LRRC49: variants seen among roughly 807,000 people sequenced by gnomAD.
LRRC49 encodes the protein leucine rich repeat containing 49, also known as leucine-rich repeat-containing protein 49.
In LRRC49, 50 loss-of-function variants were observed where a neutral mutation model predicts 83.3. The ratio of observed to expected loss-of-function variants is 0.60; its 90% confidence interval spans 0.48 to 0.76. LRRC49 has a LOEUF of 0.76. Ranked by LOEUF, LRRC49 falls within the 30% of genes least tolerant of loss-of-function variation. LRRC49 has a pLI of 0.00. For missense variants in LRRC49, 704 were observed against 809.1 expected, an observed-to-expected ratio of 0.87 and a Z score of 1.58; for synonymous variants, 286 against 283.3, an observed-to-expected ratio of 1.01 and a Z score of -0.10.
At chr15:71,043,922 T>A (rs2039772665) in intron 15 of LRRC49, among the ~76,000 whole-genome samples, 1 of 152,228 alleles carries the variant, frequency 6.6e-6, no homozygotes, top group Non-Finnish European at 1.5e-5. Context: ...AATAATAGAA[T>A]TTTGTCTTTT....
At chr15:71,009,723 G>A (rs2038585710) in intron 12 of LRRC49, 84 bp from the exon 13 acceptor site, 1 of 863,132 alleles carries the variant, frequency 1.2e-6, no homozygotes. Context: ...TTTACCTGGG[G>A]AATGATTAGT....
chr15:70,859,873 A>G, intron 1 of LRRC49: 1 of 769,658 alleles, frequency 1.3e-6, no homozygotes, highest in African/African-American at 1.7e-5. Flanking sequence ...TGGGCATCAA[A>G]ACTGCCACCT....
At chr15:70,856,356 A>G (rs2032653638) in intron 1 of LRRC49, among the ~76,000 whole-genome samples, 1 of 152,186 alleles carries the variant, frequency 6.6e-6, no homozygotes, top group Admixed American at 6.5e-5. Flanking sequence ...GGATCTAGAA[A>G]GAATGTCAGA....
intron 13 of LRRC49, among the ~76,000 whole-genome samples, chr15:71,011,545 T>C (rs2038650936): frequency 6.6e-6 from 1 of 152,122 alleles, no homozygotes; most frequent in African/African-American, 2.4e-5. Context: ...CTAAAATATA[T>C]TCCTGTTTGT....
At chr15:70,998,151 A>C (rs1434966279) in intron 11 of LRRC49, among the ~76,000 whole-genome samples, 1 of 152,190 alleles carries the variant, frequency 6.6e-6, no homozygotes, top group Non-Finnish European at 1.5e-5. Context: ...CATTGTGTGC[A>C]CATTATAGAT....
At chr15:70,917,214 A>T (rs1331119319) in intron 6 of LRRC49, among the ~76,000 whole-genome samples, 1 of 152,202 alleles carries the variant, frequency 6.6e-6, no homozygotes, top group East Asian at 1.9e-4. Context: ...TAGCCTGGGC[A>T]CCATGAACAG....
At chr15:70,880,992 G>T (rs2033251864) in intron 2 of LRRC49, among the ~76,000 whole-genome samples, 1 of 152,204 alleles carries the variant, frequency 6.6e-6, no homozygotes, top group African/African-American at 2.4e-5. Flanking sequence ...GGGAGACCGA[G>T]GTGGCAGGAT....
chr15:70,980,161 A>G lies in LRRC49; in HGVS notation c.982A>G (p.Ser328Gly). ...AAAAGAGGAAGAGAAGAAGCGGGAA[A>G]GTCATAAACAATCTTTGCTTAAGGT... The part of the protein sequence containing the change: ...AKKEEEKKRE[S>G]HKQSLLKEKK... Residue 328 changes from serine to glycine, a missense_variant, in exon 10 of 16, where the codon AGT becomes GGT. Ser to Gly is a moderately conservative substitution (Grantham distance 56). Around this residue, in one of 3 missense-constraint regions of LRRC49, gnomAD observed 168 missense variants for 140.6 expected, o/e 1.20. Transcript: ENST00000260382. 1 of 1,612,214 alleles carries G rather than the reference A, an allele frequency of 6.2e-7. No individual in the cohort carries two copies. Among genetic ancestry groups the G allele is most frequent in the East Asian group, 2.2e-5 (1 of 44,796 alleles).
chr15:70,874,965 T>A (rs770382006), intron 2 of LRRC49, among the ~76,000 whole-genome samples: 48 of 152,376 alleles, frequency 3.2e-4, no homozygotes, highest in Non-Finnish European at 6.2e-4. Context: ...TGGTTCTAGA[T>A]GATTTCACTA....
In LRRC49 at chr15:70,859,775, G is replaced by A. The variant is rs371253005; in HGVS notation, c.-299+6306G>A. The A allele has an allele frequency of 7.9e-5, 58 of 737,076 alleles. No individual in the cohort carries two copies. The African/African-American group carries it at 8.6e-4, about 11-fold the overall frequency. 45.7% of individuals were successfully genotyped at this position (737,076 alleles called of 1,614,324 possible). The stretch of plus-strand genomic sequence containing the variant: ...TAAGGATGCCAACGCCAAGCTGTCC[G>A]AGCTGGAGGCCTCTCTGCAATGGGC... On this transcript the variant is annotated intron_variant, in intron 1 of 16. Transcript: ENST00000544974.
chr15:71,008,758 A>G, intron 12 of LRRC49, 142 bp downstream of exon 12: 3 of 609,098 alleles, frequency 4.9e-6, no homozygotes, highest in East Asian at 2.8e-5. Context: ...TTCTTGAGCT[A>G]GGATTTAAAT....
chr15:70,907,009 G>A (rs2034342512), intron 5 of LRRC49, among the ~76,000 whole-genome samples: 2 of 152,180 alleles, frequency 1.3e-5, no homozygotes, highest in Non-Finnish European at 2.9e-5. Flanking sequence ...TGAAATGCAA[G>A]TCTGAGCCCT....
chr15:70,863,969 A>G (rs2032856435), intron 1 of LRRC49, among the ~76,000 whole-genome samples: 1 of 152,162 alleles, frequency 6.6e-6, no homozygotes, highest in Non-Finnish European at 1.5e-5. Flanking sequence ...CAGCTGCAGG[A>G]GGAGACTTTG....
At chr15:70,888,921 T>C (rs2033479352), upstream of LRRC49, among the ~76,000 whole-genome samples, 3 of 152,172 alleles carry the variant, frequency 2.0e-5, no homozygotes, top group African/African-American at 7.2e-5. Context: ...ACTCTGCAAA[T>C]GGACTCAGAT....
Position 70,919,032 on chromosome 15 carries a change from T to A in LRRC49, c.568-18T>A. The A allele has an allele frequency of 6.2e-7, 1 of 1,600,662 alleles. No individual in the cohort carries two copies. The highest frequency in any genetic ancestry group is 2.2e-5 in the East Asian group (1 of 44,660). On this transcript the variant is annotated intron_variant, in intron 6 of 15. Coordinates refer to ENST00000260382, the MANE Select transcript of LRRC49 (RefSeq NM_017691.5). ...GGTTTTTGCCTGCTAATCACCCTTC[T>A]CCTATTTTCTTTAACAGATTACCAA...
At chr15:70,919,655 A>C (rs557097928) in intron 7 of LRRC49, among the ~76,000 whole-genome samples, 8 of 152,342 alleles carry the variant, frequency 5.3e-5, no homozygotes, top group Admixed American at 5.2e-4. Context: ...TGCACAGGGC[A>C]TCAGAGGCCT....
At chr15:70,874,990 G>T (rs2033122485) in intron 2 of LRRC49, among the ~76,000 whole-genome samples, 1 of 152,208 alleles carries the variant, frequency 6.6e-6, no homozygotes, top group African/African-American at 2.4e-5. Context: ...AGAGTTGCAA[G>T]CACATCCAGC....
intron 5 of LRRC49, chr15:70,907,887 C>G: frequency 2.3e-6 from 1 of 432,212 alleles, no homozygotes; most frequent in South Asian, 1.6e-5. Context: ...TTTGGGGGCA[C>G]TGGCTAGGAT....
intron 15 of LRRC49, among the ~76,000 whole-genome samples, chr15:71,047,552 A>C (rs1016124846): frequency 6.6e-6 from 1 of 152,190 alleles, no homozygotes; most frequent in African/African-American, 2.4e-5. Flanking sequence ...AGTTTTACTA[A>C]AATTGTTTCA....
Sources: gnomAD v4.1 joint callset for allele counts (sites outside exome capture counted in the v4.1 genomes callset) on GRCh38, gnomAD v4.1.1 for gene constraint, gnomAD v4.1.1 regional missense constraint, MANE v1.5 for transcripts, NCBI Gene and HGNC (gene_info 2026-07-23, HGNC 2026-07-21) for gene names.